Variants in DDAH1 observed in about 807,000 individuals in gnomAD.
DDAH1 encodes N(G),N(G)-dimethylarginine dimethylaminohydrolase 1.
In DDAH1, 19 loss-of-function variants were observed where a neutral mutation model predicts 28.8. The ratio of observed to expected loss-of-function variants is 0.66; its 90% CI spans 0.46 to 0.97. The LOEUF is 0.97. Ranked by LOEUF, DDAH1 falls within the 50% of genes least tolerant of loss-of-function variation. The pLI is 0.00. For missense variants in DDAH1, 326 were observed against 375.9 expected, an observed-to-expected ratio of 0.87 and a Z score of 1.10; for synonymous variants, 153 against 154.4, an observed-to-expected ratio of 0.99 and a Z score of 0.07.
At chr1:85,507,304 A>C (rs913838542) in intron 1 of DDAH1, among the ~76,000 whole-genome samples, 13 of 152,062 alleles carry the variant, frequency 8.5e-5, no homozygotes, top group African/African-American at 3.1e-4. Flanking sequence ...GGAGCTTGAG[A>C]CCAGTCTAGG....
chr1:85,480,437 C>T (rs1146391), intron 2 of DDAH1, among the ~76,000 whole-genome samples: 115,174 of 152,096 alleles, frequency 0.76, 45,919 homozygotes, highest in South Asian at 0.97. Context: ...ATGGTTTCTC[C>T]ATTCATCATT....
In DDAH1 at chr1:85,324,745, C is replaced by T. The variant is rs763875537; in HGVS notation, c.736G>A (p.Ala246Thr). 24 of 1,613,968 alleles carry T rather than the reference C, an allele frequency of 1.5e-5. No homozygotes were observed. The South Asian group carries it at 2.0e-4, about 13-fold the overall frequency. ...CAGAAGGGATATTTTTTTACCTTTG[C>T]ACTTTCTGGATACTCTTCCGGGGTT... ...HRTPEEYPESAKVYEKLKDHM... is the reference protein window; with the variant it reads ...HRTPEEYPESTKVYEKLKDHM... Residue 246 changes from alanine to threonine, a missense_variant, in exon 5 of 6, where the codon GCA becomes ACA. Coordinates refer to ENST00000284031, the MANE Select transcript of DDAH1 (RefSeq NM_012137.4).
At chr1:85,467,042 G>A (rs1655413720), upstream of DDAH1, among the ~76,000 whole-genome samples, 1 of 151,754 alleles carries the variant, frequency 6.6e-6, no homozygotes, top group South Asian at 2.1e-4. Context: ...TCTCCATGTT[G>A]GTCAGGCTAG....
rs142683767 is a variant in DDAH1 at position 85,381,549 on chromosome 1, G to A, written c.304-22702C>T. Among the ~76,000 whole-genome samples the A allele has an allele frequency of 7.9e-3, 1,148 of 145,398 alleles. 23 individuals carry two copies. Among genetic ancestry groups the A allele is most frequent in the Non-Finnish European group, 5.3e-3 (354 of 67,074 alleles). On this transcript the variant is annotated intron_variant, in intron 1 of 5. Coordinates refer to ENST00000284031, the MANE Select transcript of DDAH1 (RefSeq NM_012137.4). Reference sequence around the variant, plus strand: ...CATTATATCATTCTTATGCCTTTACGCCTGCATTGTTTCTAATGGGAATTC... The same window carrying A: ...CATTATATCATTCTTATGCCTTTACACCTGCATTGTTTCTAATGGGAATTC...
chr1:85,473,422 A>C, intron 2 of DDAH1, among the ~76,000 whole-genome samples: 1 of 152,200 alleles, frequency 6.6e-6, no homozygotes, highest in East Asian at 1.9e-4. Flanking sequence ...TAGGAAATCT[A>C]AATGTAGAAG....
intron 1 of DDAH1, among the ~76,000 whole-genome samples, chr1:85,414,475 G>T (rs1200243639): frequency 6.6e-6 from 1 of 152,166 alleles, no homozygotes; most frequent in Non-Finnish European, 1.5e-5. Context: ...AAGTACCACA[G>T]AGTAAAAAGG....
At chr1:85,531,857 C>G (rs1364466835) in intron 1 of DDAH1, among the ~76,000 whole-genome samples, 2 of 148,128 alleles carry the variant, frequency 1.4e-5, no homozygotes, top group Non-Finnish European at 3.0e-5. Context: ...AAGAAGTTAA[C>G]CAATCTGCTT....
chr1:85,437,314 C>A (rs751163576), intron 1 of DDAH1, among the ~76,000 whole-genome samples: 2 of 152,080 alleles, frequency 1.3e-5, no homozygotes, highest in Admixed American at 1.3e-4. Flanking sequence ...TATCAACTGC[C>A]GGATATTTAA....
intron 1 of DDAH1, among the ~76,000 whole-genome samples, chr1:85,436,833 A>G (rs550257523): frequency 1.3e-5 from 2 of 152,188 alleles, no homozygotes; most frequent in Non-Finnish European, 2.9e-5. Context: ...CAGTTCTTGC[A>G]CATTTCTGTC....
At chr1:85,483,328 CAG>C (rs1656075728) in intron 2 of DDAH1, among the ~76,000 whole-genome samples, 1 of 151,836 alleles carries the variant, frequency 6.6e-6, no homozygotes, top group Admixed American at 6.6e-5. Flanking sequence ...AGAAAAGAAC[CAG>C]AGAGGATGTT....
rs764813663 is a variant in DDAH1 at position 85,464,767 on chromosome 1, G to A, written c.279C>T (p.Pro93=). The A allele has an allele frequency of 1.4e-5, 22 of 1,560,880 alleles. No individual in the cohort carries two copies. Among genetic ancestry groups the A allele is most frequent in the African/African-American group, 5.6e-5 (4 of 71,444 alleles). ...VCEETALITR[P]GAPSRRKEVD... ...CCTCCTTCCTCCGGCTCGGCGCCCCGGGTCGGGTGATGAGGGCCGTCTCCT... is the reference window on the plus strand; with the variant it reads ...CCTCCTTCCTCCGGCTCGGCGCCCCAGGTCGGGTGATGAGGGCCGTCTCCT... The change falls in exon 1 of 6, where the codon CCC becomes CCT. Residue 93 remains proline (P), a synonymous_variant. Coordinates refer to ENST00000284031, the MANE Select transcript of DDAH1 (RefSeq NM_012137.4). The surrounding 1 kb of genome is among the most constrained non-coding windows in gnomAD (Gnocchi z 4.4).
At chr1:85,330,798 G>A (rs190188191) in intron 4 of DDAH1, among the ~76,000 whole-genome samples, 32 of 152,346 alleles carry the variant, frequency 2.1e-4, no homozygotes, top group African/African-American at 7.7e-4. Flanking sequence ...AATCTTTTAT[G>A]GTACGCCCCC....
chr1:85,361,028 T>C (rs532928418), intron 1 of DDAH1, among the ~76,000 whole-genome samples: 1 of 152,306 alleles, frequency 6.6e-6, no homozygotes, highest in African/African-American at 2.4e-5. Context: ...TTTTAAAAAA[T>C]TGTAAATATC....
rs1054250560 is a variant in DDAH1, at chr1:85,356,053, C to G, written c.403+2695G>C. 7.2e-5 allele frequency among the ~76,000 whole-genome samples: 11 copies of G among 152,280 alleles called. No homozygotes were observed. The East Asian group carries it at 2.1e-3, about 29-fold the overall frequency. On this transcript the variant is annotated intron_variant, in intron 2 of 5. Coordinates refer to ENST00000284031, the MANE Select transcript of DDAH1 (RefSeq NM_012137.4). ...TGGTTACTTGAGGTCAGGGGAGAGG[C>G]TGGTTTTGACTGGGGACCCCACAGG...
chr1:85,402,916 A>T (rs1652213537), intron 1 of DDAH1, among the ~76,000 whole-genome samples: 1 of 151,938 alleles, frequency 6.6e-6, no homozygotes, highest in African/African-American at 2.4e-5. Context: ...CTCAAAAAAA[A>T]AAAAAAAAAA....
At chr1:85,568,088 A>G (rs1359547127) in intron 1 of DDAH1, among the ~76,000 whole-genome samples, 1 of 152,246 alleles carries the variant, frequency 6.6e-6, no homozygotes, top group Non-Finnish European at 1.5e-5. Context: ...CTGAGTCAAA[A>G]AAAATCAAAA....
intron 2 of DDAH1, among the ~76,000 whole-genome samples, chr1:85,473,799 A>G (rs796447728): frequency 2.0e-5 from 3 of 152,230 alleles, no homozygotes; most frequent in African/African-American, 7.2e-5. Flanking sequence ...GGTATTTCCC[A>G]GAGTTCTCTA....
At position 85,413,677 on chromosome 1, in the gene DDAH1, C is replaced by G. The variant is rs551115541; in HGVS notation, c.303+51066G>C. On this transcript the variant is annotated intron_variant, in intron 1 of 5. Transcript: ENST00000284031. ...TTCCTAAATATGCTGCTTTATTCTT[C>G]CAGCATCATTTTCTTTTCCAAAATT... Among the ~76,000 whole-genome samples, 4 of 152,316 alleles carry G rather than the reference C, an allele frequency of 2.6e-5. No individual in the cohort carries two copies. The East Asian group carries it at 7.7e-4, about 29-fold the overall frequency.
chr1:85,321,492 G>A lies in DDAH1; in HGVS notation c.818C>T (p.Thr273Ile), dbSNP rs1157565801. The change falls in exon 6 of 6, where the codon ACC (threonine) becomes ATC (isoleucine). Residue 273 changes from threonine to isoleucine, a missense_variant. Coordinates refer to ENST00000284031, the MANE Select transcript of DDAH1 (RefSeq NM_012137.4). ...SELEKVDGLL[T>I]CCSVLINKKV... Reference sequence around the variant, plus strand: ...CTTGTTAATTAAAACTGAGCAGCAGGTGAGCAGCCCATCCACCTTTTCCAG... The same window carrying A: ...CTTGTTAATTAAAACTGAGCAGCAGATGAGCAGCCCATCCACCTTTTCCAG... The A allele has an allele frequency of 1.9e-6, 3 of 1,614,150 alleles. No individual in the cohort carries two copies. The highest frequency in any genetic ancestry group is 1.1e-5 in the South Asian group (1 of 91,086).
Sources: allele counts gnomAD v4.1 joint callset (sites outside exome capture counted in the v4.1 genomes callset), GRCh38; gene constraint gnomAD v4.1.1; non-coding constraint Gnocchi (gnomAD v3.1); transcripts MANE v1.5; gene names NCBI Gene and HGNC (gene_info 2026-07-23, HGNC 2026-07-21).